Variants in CEP112 observed in about 807,000 individuals in gnomAD.
CEP112 encodes centrosomal protein 112, also known as centrosomal protein of 112 kDa.
In CEP112, 127 loss-of-function variants were observed where a neutral mutation model predicts 153.0. The observed-to-expected ratio is 0.83, with a 90% CI of 0.72 to 0.96. The LOEUF is 0.96. Among genes scored for constraint, CEP112 ranks in the 40% least tolerant of loss-of-function variants. CEP112 has a pLI of 0.00. For synonymous variants in CEP112, 358 were observed against 374.4 expected, an observed-to-expected ratio of 0.96 and a Z score of 0.51; for missense variants, 1,089 against 1,101.2, an observed-to-expected ratio of 0.99 and a Z score of 0.16.
At chr17:66,008,205 A>C (rs918244375) in intron 16 of CEP112, among the ~76,000 whole-genome samples, 1 of 152,194 alleles carries the variant, frequency 6.6e-6, no homozygotes, top group African/African-American at 2.4e-5. Flanking sequence ...AGAAATATTA[A>C]ATCAAGCTAA....
At position 65,635,837 on chromosome 17, in the gene CEP112, T is replaced by A; in HGVS notation, c.*134A>T. ...CTAGTGTATGAATGATGCATGTTTT[T>A]ATGATCTTAATTACATTTAAGGATT... On this transcript the variant is annotated 3_prime_UTR_variant, in exon 27 of 27. Transcript: ENST00000535342. The A allele has an allele frequency of 1.1e-6, 1 of 925,446 alleles. No homozygotes were observed. The allele number at this position is 925,446 out of a possible 1,614,324, so 57.3% of individuals were successfully genotyped here.
intron 4 of CEP112, among the ~76,000 whole-genome samples, chr17:66,163,176 G>T (rs2071786813): frequency 6.6e-6 from 1 of 152,128 alleles, no homozygotes; most frequent in African/African-American, 2.4e-5. Context: ...TGGCTAGGTT[G>T]AAAGTATAGA....
chr17:65,742,986 C>T, intron 23 of CEP112, 82 bp downstream of exon 23: 1 of 1,114,750 alleles, frequency 9.0e-7, no homozygotes, highest in Non-Finnish European at 1.3e-6. Context: ...CCGCATTCAT[C>T]TGCCCACTGC....
chr17:66,121,844 T>A (rs2069610927), intron 6 of CEP112, among the ~76,000 whole-genome samples: 1 of 152,086 alleles, frequency 6.6e-6, no homozygotes, highest in African/African-American at 2.4e-5. Flanking sequence ...AATCTCTTTA[T>A]GATATTCTGT....
chr17:65,651,126 G>A (rs939463735), intron 24 of CEP112, among the ~76,000 whole-genome samples: 12 of 152,062 alleles, frequency 7.9e-5, no homozygotes, highest in Admixed American at 6.6e-5. Flanking sequence ...AGTCCATTGT[G>A]TCATTCTTAT....
intron 23 of CEP112, among the ~76,000 whole-genome samples, chr17:65,702,948 G>A (rs919969042): frequency 1.3e-5 from 2 of 152,144 alleles, no homozygotes; most frequent in Non-Finnish European, 2.9e-5. Flanking sequence ...CCCATGACAC[G>A]TGGGGATTAT....
At chr17:66,053,274 G>T (rs2066520896) in intron 12 of CEP112, among the ~76,000 whole-genome samples, 1 of 151,626 alleles carries the variant, frequency 6.6e-6, no homozygotes, top group South Asian at 2.1e-4. Context: ...GGCCAAGGAG[G>T]GTGGATCACA....
chr17:66,042,350 CAAAAT>C (rs1297075311), intron 12 of CEP112, among the ~76,000 whole-genome samples: 2 of 151,760 alleles, frequency 1.3e-5, no homozygotes, highest in Admixed American at 6.6e-5. Flanking sequence ...ACTGTCTCAA[CAAAAT>C]AAAATAATAA....
chr17:65,705,732 GAA>G (rs2048882895), intron 23 of CEP112, among the ~76,000 whole-genome samples: 1 of 152,202 alleles, frequency 6.6e-6, no homozygotes, highest in Non-Finnish European at 1.5e-5. Context: ...CTTTAGATTT[GAA>G]AAGACATGAG....
chr17:65,869,557 T>C (rs902723414), intron 20 of CEP112, among the ~76,000 whole-genome samples: 10 of 148,060 alleles, frequency 6.8e-5, no homozygotes, highest in Admixed American at 4.8e-4. Flanking sequence ...ACTTAACATA[T>C]AGGAAAGGCA....
intron 12 of CEP112, among the ~76,000 whole-genome samples, chr17:66,050,311 G>A (rs2066385432): frequency 6.6e-6 from 1 of 152,128 alleles, no homozygotes; most frequent in Admixed American, 6.6e-5. Context: ...GTAGGGGAAT[G>A]GGGAGAGGAT....
At chr17:65,859,724 C>T (rs1324480501) in intron 20 of CEP112, among the ~76,000 whole-genome samples, 4 of 144,194 alleles carry the variant, frequency 2.8e-5, no homozygotes, top group Non-Finnish European at 6.1e-5. Flanking sequence ...AAAAAAAAAA[C>T]TGGGCCAGGT....
At chr17:65,704,142 G>T (rs966767055) in intron 23 of CEP112, among the ~76,000 whole-genome samples, 2 of 152,016 alleles carry the variant, frequency 1.3e-5, no homozygotes, top group African/African-American at 4.8e-5. Context: ...CCACAGATGG[G>T]AGTGATCATC....
At chr17:65,656,914 G>A (rs963148977) in intron 24 of CEP112, among the ~76,000 whole-genome samples, 1 of 152,210 alleles carries the variant, frequency 6.6e-6, no homozygotes, top group African/African-American at 2.4e-5. Context: ...AATGTCTACA[G>A]TAAACTCATC....
In CEP112 at chr17:65,967,926, T is replaced by G. The variant is rs2062473520; in HGVS notation, c.1737-6328A>C. ...ATGGTGAAGAAAAATTCCTTTAAAA[T>G]CTTTAAATTCTTTAAACTTCAAAAT... On this transcript the variant is annotated intron_variant, in intron 17 of 26. Transcript: ENST00000535342. Among the ~76,000 whole-genome samples, 3 of 152,250 alleles carry G rather than the reference T, an allele frequency of 2.0e-5. No individual in the cohort carries two copies. The South Asian group carries it at 6.2e-4, about 32-fold the overall frequency.
At chr17:65,747,975 A>T (rs1391187772) in intron 22 of CEP112, among the ~76,000 whole-genome samples, 1 of 152,228 alleles carries the variant, frequency 6.6e-6, no homozygotes, top group Non-Finnish European at 1.5e-5. Flanking sequence ...AAAACCCAAC[A>T]GAGTTAAGCA....
At chr17:65,724,477 T>C (rs2050064059) in intron 23 of CEP112, among the ~76,000 whole-genome samples, 1 of 152,248 alleles carries the variant, frequency 6.6e-6, no homozygotes, top group Non-Finnish European at 1.5e-5. Flanking sequence ...AATTGTTCCA[T>C]GATTTATAAG....
chr17:66,105,101 G>C (rs2068727250), intron 6 of CEP112, among the ~76,000 whole-genome samples: 1 of 152,138 alleles, frequency 6.6e-6, no homozygotes, highest in African/African-American at 2.4e-5. Flanking sequence ...TCAAGACATA[G>C]TGTAATAAGA....
intron 16 of CEP112, among the ~76,000 whole-genome samples, chr17:66,012,614 C>A (rs1300993231): frequency 8.5e-5 from 13 of 152,294 alleles, no homozygotes; most frequent in Admixed American, 4.6e-4. Flanking sequence ...CCCTGATGGG[C>A]TTCACTTTGT....
Sources: allele counts gnomAD v4.1 joint callset (sites outside exome capture counted in the v4.1 genomes callset), GRCh38; gene constraint gnomAD v4.1.1; transcripts MANE v1.5; gene names NCBI Gene and HGNC (gene_info 2026-07-23, HGNC 2026-07-21).